The following SNTG1 variants were observed in gnomAD, a reference collection of about 807,000 sequenced individuals.
The protein encoded by SNTG1 is gamma-1-syntrophin.
SNTG1 carries 39 observed loss-of-function variants against 74.7 expected under a neutral mutation model. The ratio of observed to expected loss-of-function variants is 0.52; its 90% CI spans 0.40 to 0.68. The LOEUF is 0.68. SNTG1 is among the 30% of genes least tolerant of loss of function. SNTG1 has a pLI of 0.00. For synonymous variants in SNTG1, 254 were observed against 217.1 expected, an observed-to-expected ratio of 1.17 and a Z score of -1.49; for missense variants, 685 against 609.5, an observed-to-expected ratio of 1.12 and a Z score of -1.30.
chr8:49,983,537 G>T (rs1042451004), intron 1 of SNTG1, among the ~76,000 whole-genome samples: 1 of 152,064 alleles, frequency 6.6e-6, no homozygotes, highest in Admixed American at 6.6e-5. Context: ...AAATTTATGA[G>T]ATCACAGCTT....
intron 1 of SNTG1, among the ~76,000 whole-genome samples, chr8:49,953,061 A>C (rs970806711): frequency 5.3e-5 from 8 of 152,204 alleles, no homozygotes; most frequent in African/African-American, 1.9e-4. Flanking sequence ...TTGACATATA[A>C]ATTTAGAAAT....
intron 18 of SNTG1, among the ~76,000 whole-genome samples, chr8:50,761,364 T>C (rs2095598343): frequency 1.3e-5 from 2 of 151,928 alleles, no homozygotes. Flanking sequence ...AGGGGAGTGT[T>C]CTACAGCTTG....
chr8:50,083,831 T>C (rs572835836), intron 1 of SNTG1, among the ~76,000 whole-genome samples: 13 of 152,324 alleles, frequency 8.5e-5, no homozygotes, highest in Admixed American at 8.5e-4. Context: ...TCATCATGCC[T>C]TCTGACTATC....
intron 13 of SNTG1, among the ~76,000 whole-genome samples, chr8:50,607,392 G>T (rs2130964431): frequency 1.3e-5 from 2 of 151,570 alleles, no homozygotes; most frequent in South Asian, 4.1e-4. Context: ...TCTTTTAAAA[G>T]TACAGAGCTA....
chr8:50,579,148 A>C (rs934602313), intron 12 of SNTG1, among the ~76,000 whole-genome samples: 3 of 152,216 alleles, frequency 2.0e-5, no homozygotes, highest in Non-Finnish European at 4.4e-5. Flanking sequence ...AATGAAGTCC[A>C]GGCTGAGATG....
intron 12 of SNTG1, among the ~76,000 whole-genome samples, chr8:50,555,109 T>A (rs1436827534): frequency 6.6e-6 from 1 of 152,168 alleles, no homozygotes; most frequent in Non-Finnish European, 1.5e-5. Context: ...CTACCCTCTG[T>A]AAGCCTAAGG....
intron 8 of SNTG1, among the ~76,000 whole-genome samples, chr8:50,476,560 G>A (rs918064180): frequency 3.3e-5 from 5 of 152,152 alleles, no homozygotes; most frequent in Non-Finnish European, 2.9e-5. Flanking sequence ...AATGGTCTGT[G>A]TGGTAATGGA....
intron 2 of SNTG1, among the ~76,000 whole-genome samples, chr8:50,283,122 A>G (rs1034097345): frequency 6.6e-6 from 1 of 152,226 alleles, no homozygotes; most frequent in Non-Finnish European, 1.5e-5. Flanking sequence ...ATAAAACATT[A>G]AGTAATCAAC....
chr8:50,493,909 G>A (rs1251623006), intron 8 of SNTG1, among the ~76,000 whole-genome samples: 5 of 151,688 alleles, frequency 3.3e-5, no homozygotes, highest in Non-Finnish European at 1.5e-5. Flanking sequence ...AATTTGATGA[G>A]TTCCAGCAAA....
At chr8:50,050,296 G>A (rs1381341537) in intron 1 of SNTG1, among the ~76,000 whole-genome samples, 4 of 151,858 alleles carry the variant, frequency 2.6e-5, no homozygotes, top group Non-Finnish European at 5.9e-5. Flanking sequence ...GACATTCATA[G>A]AGTAGTAAGG....
At chr8:50,309,644 T>G (rs1277542798) in intron 2 of SNTG1, among the ~76,000 whole-genome samples, 1 of 152,290 alleles carries the variant, frequency 6.6e-6, no homozygotes, top group African/African-American at 2.4e-5. Context: ...CATTGAGGGC[T>G]GGAACAAATA....
At chr8:50,139,975 C>T (rs1386685606) in intron 1 of SNTG1, among the ~76,000 whole-genome samples, 1 of 152,200 alleles carries the variant, frequency 6.6e-6, no homozygotes, top group African/African-American at 2.4e-5. Flanking sequence ...TCACATGTCA[C>T]TAGCGAGCTT....
At chr8:49,963,975 C>A (rs1183987718) in intron 1 of SNTG1, among the ~76,000 whole-genome samples, 1 of 152,076 alleles carries the variant, frequency 6.6e-6, no homozygotes, top group Non-Finnish European at 1.5e-5. Context: ...CATTAAATTC[C>A]CAGAAGTTAT....
At chr8:50,211,972 G>C (rs2084542105) in intron 2 of SNTG1, among the ~76,000 whole-genome samples, 1 of 152,040 alleles carries the variant, frequency 6.6e-6, no homozygotes, top group Admixed American at 6.6e-5. Context: ...AAGACAGGCT[G>C]TTATATGTGT....
rs577084865 is a variant in SNTG1, at chr8:50,318,339, T to G, written c.-27-75873T>G. Among the ~76,000 whole-genome samples the G allele has an allele frequency of 2.0e-5, 3 of 152,344 alleles. No homozygotes were observed. In the East Asian group the frequency reaches 5.8e-4, roughly 29 times the overall value. On this transcript the variant is annotated intron_variant, in intron 2 of 18. Transcript: ENST00000642720. ...GAAAGCATTGGATACAATGCCTAACTGCATAAAAAGCATCGGTATTTCTTT... is the reference window on the plus strand; with the variant it reads ...GAAAGCATTGGATACAATGCCTAACGGCATAAAAAGCATCGGTATTTCTTT...
intron 1 of SNTG1, among the ~76,000 whole-genome samples, chr8:50,002,059 G>A (rs1814789342): frequency 6.6e-6 from 1 of 152,044 alleles, no homozygotes; most frequent in African/African-American, 2.4e-5. Flanking sequence ...CATGCACTTA[G>A]CACCACCAAC....
At chr8:50,219,538 G>T (rs947106874) in intron 2 of SNTG1, among the ~76,000 whole-genome samples, 66 of 152,244 alleles carry the variant, frequency 4.3e-4, no homozygotes, top group African/African-American at 1.4e-3. Context: ...AAGCATGGCT[G>T]GGGAGGCCTC....
chr8:50,089,238 C>T (rs1201842329), intron 1 of SNTG1, among the ~76,000 whole-genome samples: 3 of 152,088 alleles, frequency 2.0e-5, no homozygotes, highest in Non-Finnish European at 4.4e-5. Flanking sequence ...TTCCTTACAC[C>T]TTATACAAGA....
At chr8:50,580,299 G>T (rs1434572124) in intron 12 of SNTG1, among the ~76,000 whole-genome samples, 1 of 152,132 alleles carries the variant, frequency 6.6e-6, no homozygotes, top group African/African-American at 2.4e-5. Context: ...ACTTGCTTTT[G>T]ATTTCACAGG....
Sources: allele counts gnomAD v4.1 joint callset (sites outside exome capture counted in the v4.1 genomes callset), GRCh38; gene constraint gnomAD v4.1.1; transcripts MANE v1.5; gene names NCBI Gene and HGNC (gene_info 2026-07-23, HGNC 2026-07-21).